SHC3: variants seen among roughly 807,000 people sequenced by gnomAD.
SHC3 encodes SHC adaptor protein 3.
Under a neutral mutation model 60.4 loss-of-function variants are expected in SHC3, and 15 were observed. The ratio of observed to expected loss-of-function variants is 0.25; its 90% CI spans 0.17 to 0.38. The LOEUF (loss-of-function observed/expected upper bound fraction) is 0.38, where lower values mean the gene tolerates loss of function less well. SHC3 is among the 10% of genes least tolerant of loss of function. The pLI is 1.00. For missense variants in SHC3, 677 were observed against 786.1 expected (o/e 0.86, Z 1.66); for synonymous variants, 294 against 325.9 (o/e 0.90, Z 1.05).
chr9:89,046,403 T>C (rs1824776168), intron 8 of SHC3, among the ~76,000 whole-genome samples: 1 of 152,116 alleles, frequency 6.6e-6, no homozygotes, highest in South Asian at 2.1e-4. Context: ...GCAATTGCCT[T>C]ACTAGAATTT....
At chr9:89,161,333 C>G (rs1053078296) in intron 1 of SHC3, among the ~76,000 whole-genome samples, 1 of 152,098 alleles carries the variant, frequency 6.6e-6, no homozygotes, top group Non-Finnish European at 1.5e-5. Flanking sequence ...CTCTTGCTCC[C>G]GCTTCTGCCA....
At chr9:89,137,308 G>A (rs1826333329) in intron 1 of SHC3, among the ~76,000 whole-genome samples, 7 of 152,096 alleles carry the variant, frequency 4.6e-5, no homozygotes, top group Admixed American at 4.6e-4. Flanking sequence ...TTCACACTTA[G>A]CTAAAAATGG....
chr9:89,080,734 A>AATATATAT (rs10591505), intron 2 of SHC3, among the ~76,000 whole-genome samples: 75 of 132,100 alleles, frequency 5.7e-4, no homozygotes, highest in South Asian at 2.2e-3. Flanking sequence ...AACTAGGAAG[A>AATATATAT]ATATATATAT....
intron 1 of SHC3, among the ~76,000 whole-genome samples, chr9:89,148,165 A>G (rs1282654156): frequency 3.3e-5 from 5 of 152,176 alleles, no homozygotes. Context: ...TTGGTTTGCA[A>G]TTTGTAATGA....
chr9:89,107,027 C>T (rs538639255), intron 2 of SHC3, among the ~76,000 whole-genome samples: 22 of 152,246 alleles, frequency 1.4e-4, no homozygotes, highest in African/African-American at 3.6e-4. Flanking sequence ...CATGGTCCTT[C>T]GCTGAGCCTC....
intron 1 of SHC3, among the ~76,000 whole-genome samples, chr9:89,123,779 GTCTAT>G (rs1452972512): frequency 6.6e-6 from 1 of 152,142 alleles, no homozygotes; most frequent in Non-Finnish European, 1.5e-5. Context: ...TACCTTCAGT[GTCTAT>G]TAGAGCCATC....
chr9:89,094,025 A>G (rs939663415), intron 2 of SHC3, among the ~76,000 whole-genome samples: 3 of 150,736 alleles, frequency 2.0e-5, no homozygotes, highest in Non-Finnish European at 2.9e-5. Context: ...AATTGCTTGA[A>G]CCTGGGAAGC....
At chr9:89,146,536 G>C (rs1244637353) in intron 1 of SHC3, among the ~76,000 whole-genome samples, 1 of 152,164 alleles carries the variant, frequency 6.6e-6, no homozygotes, top group African/African-American at 2.4e-5. Context: ...TGCTGTGGTT[G>C]TGTTTTAATA....
rs754729268 is a variant in SHC3, at chr9:89,013,419, C to G, written c.*28G>C. ...CACTCCAGGTCCTCCTGACCTGGTG[C>G]GCAGTGCTGGGAGCAGTGCTGGCCA... On this transcript the variant is annotated 3_prime_UTR_variant, in exon 12 of 12. Coordinates refer to ENST00000375835, the MANE Select transcript of SHC3 (RefSeq NM_016848.6). The G allele has an allele frequency of 5.9e-6, 9 of 1,537,666 alleles. No homozygotes were observed. The highest frequency in any genetic ancestry group is 3.9e-5 in the Admixed American group (2 of 51,336).
At chr9:89,084,663 G>A (rs1369082381) in intron 2 of SHC3, among the ~76,000 whole-genome samples, 1 of 152,202 alleles carries the variant, frequency 6.6e-6, no homozygotes, top group East Asian at 1.9e-4. Flanking sequence ...AATTCTAACA[G>A]TTGGGTTAGA....
chr9:89,076,500 T>C (rs1289006491), intron 3 of SHC3, among the ~76,000 whole-genome samples: 2 of 152,190 alleles, frequency 1.3e-5, no homozygotes, highest in Non-Finnish European at 2.9e-5. Context: ...GCCTTGATTG[T>C]GGATTTAGCT....
In SHC3 at chr9:89,178,517, G is replaced by C; in HGVS notation, c.-57C>G. 3 of 1,395,750 alleles carry C rather than the reference G, an allele frequency of 2.1e-6. No individual in the cohort carries two copies. Among genetic ancestry groups the C allele is most frequent in the Middle Eastern group, 3.8e-4 (2 of 5,268 alleles). 86.5% of individuals were successfully genotyped at this position (1,395,750 alleles called of 1,614,324 possible). ...GCGCTGCTGGTGCCGGCCCCGGCGC[G>C]GGCTGCCGCGCATAGCAGGCGAGCC... On this transcript the variant is annotated 5_prime_UTR_variant, in exon 1 of 12. Coordinates refer to ENST00000375835, the MANE Select transcript of SHC3 (RefSeq NM_016848.6). This position sits in a 1 kb window ranked among gnomAD's most constrained non-coding sequence, Gnocchi z 6.9.
At chr9:89,139,651 C>A (rs1048870489) in intron 1 of SHC3, among the ~76,000 whole-genome samples, 7 of 152,202 alleles carry the variant, frequency 4.6e-5, no homozygotes, top group Non-Finnish European at 8.8e-5. Flanking sequence ...GTCAGGAATT[C>A]TGTACAGAGA....
intron 2 of SHC3, among the ~76,000 whole-genome samples, chr9:89,108,471 A>C (rs1464752575): frequency 2.0e-5 from 3 of 152,156 alleles, no homozygotes; most frequent in African/African-American, 7.2e-5. Flanking sequence ...CAGTGAACCA[A>C]GATTGCACCA....
chr9:89,016,992 CT>C (rs939722465), intron 11 of SHC3, among the ~76,000 whole-genome samples: 5 of 152,128 alleles, frequency 3.3e-5, no homozygotes, highest in East Asian at 1.9e-4. Flanking sequence ...AAAAAAAGGT[CT>C]TTTTTTCCCA....
chr9:89,046,704 A>C, intron 8 of SHC3, 140 bp downstream of exon 8: 2 of 1,033,188 alleles, frequency 1.9e-6, no homozygotes, highest in South Asian at 2.4e-5. Context: ...GCCTCATGAA[A>C]TCCAGTGAGA....
chr9:89,142,806 C>T (rs1826413983), intron 1 of SHC3, among the ~76,000 whole-genome samples: 1 of 152,120 alleles, frequency 6.6e-6, no homozygotes, highest in Non-Finnish European at 1.5e-5. Flanking sequence ...TGCCCAAAGT[C>T]AGCCAATTGG....
chr9:89,086,558 C>G (rs1466537054), intron 2 of SHC3, among the ~76,000 whole-genome samples: 1 of 152,214 alleles, frequency 6.6e-6, no homozygotes, highest in Non-Finnish European at 1.5e-5. Context: ...TAGCAGCTCA[C>G]TGAACCCAGT....
rs772651065 is a variant in SHC3 at position 89,042,046 on chromosome 9, C to T, written c.1340G>A (p.Arg447Lys). ...AAVSSAESSP[R>K]KDLFDMKPFE... Reference sequence around the variant, plus strand: ...CCCACTCATGTCAAAGAGGTCTTTCCTTGGGCTGCTCTCAGCACTGCTGAC... The same window carrying T: ...CCCACTCATGTCAAAGAGGTCTTTCTTTGGGCTGCTCTCAGCACTGCTGAC... The change falls in exon 10 of 12, where the codon AGG becomes AAG. Residue 447 changes from arginine to lysine, a missense_variant. Arg to Lys is a conservative substitution (Grantham distance 26). Coordinates refer to ENST00000375835, the MANE Select transcript of SHC3 (RefSeq NM_016848.6). 3.7e-6 allele frequency: 6 copies of T among 1,613,664 alleles called. No individual in the cohort carries two copies. The Admixed American group carries it at 1.0e-4, about 27-fold the overall frequency.
Sources: allele counts gnomAD v4.1 joint callset (sites outside exome capture counted in the v4.1 genomes callset), GRCh38; gene constraint gnomAD v4.1.1; non-coding constraint Gnocchi (gnomAD v3.1); transcripts MANE v1.5; gene names NCBI Gene and HGNC (gene_info 2026-07-23, HGNC 2026-07-21).